Variants in EPRS1 observed in about 807,000 individuals in gnomAD.
EPRS1 encodes the protein bifunctional glutamate/proline--tRNA ligase.
A neutral mutation model predicts 188.3 loss-of-function variants in EPRS1; 107 were observed. That is an observed-to-expected ratio of 0.57 (90% CI 0.49 to 0.67). The LOEUF is 0.67. Ranked by LOEUF, EPRS1 falls within the 30% of genes least tolerant of loss-of-function variation. The pLI is 0.00. For missense variants in EPRS1, 1,577 were observed against 1,802.2 expected, an observed-to-expected ratio of 0.88 and a Z score of 2.26; for synonymous variants, 596 against 593.1, an observed-to-expected ratio of 1.00 and a Z score of -0.07.
chr1:220,014,846 A>G (rs1661671946), intron 12 of EPRS1, among the ~76,000 whole-genome samples: 1 of 152,216 alleles, frequency 6.6e-6, no homozygotes, highest in South Asian at 2.1e-4. Flanking sequence ...CAGACATCTG[A>G]GAAATATCTT....
At chr1:220,035,079 T>C (rs895715796) in intron 2 of EPRS1, 66 bp from the exon 3 acceptor site, 4 of 764,432 alleles carry the variant, frequency 5.2e-6, no homozygotes, top group African/African-American at 1.8e-5. Context: ...ATGAGACTTA[T>C]GAAGAAATGT....
At chr1:220,039,429 T>A (rs1390269441) in intron 2 of EPRS1, among the ~76,000 whole-genome samples, 2 of 152,180 alleles carry the variant, frequency 1.3e-5, no homozygotes, top group Non-Finnish European at 2.9e-5. Context: ...GTCTCTAGAT[T>A]CAATTCTTTT....
chr1:219,997,687 TTTGAG>T (rs1267740435), intron 17 of EPRS1, among the ~76,000 whole-genome samples: 1 of 152,184 alleles, frequency 6.6e-6, no homozygotes, highest in Non-Finnish European at 1.5e-5. Context: ...ACTGTGCAAC[TTTGAG>T]TTATTTTAAG....
At chr1:219,994,542 A>G (rs931516140) in intron 18 of EPRS1, among the ~76,000 whole-genome samples, 2 of 152,104 alleles carry the variant, frequency 1.3e-5, no homozygotes, top group Non-Finnish European at 2.9e-5. Flanking sequence ...ATTAAAAAAG[A>G]AAAAGAAAAA....
intron 13 of EPRS1, among the ~76,000 whole-genome samples, chr1:220,008,585 A>T (rs1403234163): frequency 1.3e-5 from 2 of 152,240 alleles, no homozygotes; most frequent in East Asian, 3.8e-4. Context: ...GAAATGTTAT[A>T]ATGAAAATTC....
rs953659553 is a variant in EPRS1 at position 220,033,426 on chromosome 1, C to T, written c.388+76G>A. The T allele has an allele frequency of 2.7e-6, 3 of 1,113,886 alleles. No homozygotes were observed. The African/African-American group carries it at 4.7e-5, about 18-fold the overall frequency. 69.0% of individuals were successfully genotyped at this position (1,113,886 alleles called of 1,614,324 possible). A position where few individuals can be genotyped will look rare whatever the true frequency, so the allele number is the denominator to read the frequency against. ...ACACACATATACATACATGCATACA[C>T]ACAGAAATATATATAATTTTTATCC... is the stretch of plus-strand genomic sequence containing the variant. On this transcript the variant is annotated intron_variant, in intron 4 of 31. Transcript: ENST00000366923.
chr1:220,034,171 G>A (rs1662134744), intron 3 of EPRS1, among the ~76,000 whole-genome samples: 2 of 152,220 alleles, frequency 1.3e-5, no homozygotes, highest in South Asian at 4.1e-4. Context: ...GTCAATGACA[G>A]ACTGCATATA....
intron 12 of EPRS1, among the ~76,000 whole-genome samples, chr1:220,014,384 G>C (rs1343510137): frequency 6.6e-6 from 1 of 151,666 alleles, no homozygotes; most frequent in Non-Finnish European, 1.5e-5. Context: ...AAACATAGAA[G>C]CATCCCCTCC....
intron 16 of EPRS1, among the ~76,000 whole-genome samples, chr1:220,004,920 G>T (rs1254775546): frequency 6.6e-6 from 1 of 151,632 alleles, no homozygotes; most frequent in African/African-American, 2.4e-5. Flanking sequence ...ACACTACAAA[G>T]AAAAAGATAA....
chr1:219,996,798 C>G (rs1661242848), intron 18 of EPRS1, among the ~76,000 whole-genome samples, 185 bp downstream of exon 18: 1 of 152,192 alleles, frequency 6.6e-6, no homozygotes, highest in Non-Finnish European at 1.5e-5. Context: ...CAGTAAGTCA[C>G]CCCTCCACTA....
intron 2 of EPRS1, among the ~76,000 whole-genome samples, chr1:220,039,223 G>A (rs916527519): frequency 1.1e-4 from 16 of 152,112 alleles, no homozygotes; most frequent in Non-Finnish European, 1.8e-4. Context: ...CTGAGTTGGT[G>A]GTTGTACAGG....
At chr1:220,005,483 C>A in intron 15 of EPRS1, 123 bp from the exon 16 acceptor site, 1 of 528,026 alleles carries the variant, frequency 1.9e-6, no homozygotes, top group South Asian at 2.9e-5. Context: ...TTAAAAAGTT[C>A]ACTACTTGAG....
Position 220,033,592 on chromosome 1 carries a change from T to C in EPRS1, c.298A>G (p.Asn100Asp). ...SSCDSFTSTI[N>D]ELNHCLSLRT... The stretch of plus-strand genomic sequence containing the variant: ...AGAGACAGGCAATGATTGAGTTCAT[T>C]AATTGTAGAAGTAAAGGAATCACAT... Residue 100 changes from asparagine to aspartate, a missense_variant, in exon 4 of 32, where the codon AAT (asparagine) becomes GAT (aspartate). Transcript: ENST00000366923. 1 of 1,609,428 alleles carries C rather than the reference T, an allele frequency of 6.2e-7. No homozygotes were observed. Among genetic ancestry groups the C allele is most frequent in the Non-Finnish European group, 8.5e-7 (1 of 1,175,948 alleles).
chr1:220,038,587 C>T (rs1369535107), intron 2 of EPRS1, among the ~76,000 whole-genome samples: 1 of 151,236 alleles, frequency 6.6e-6, no homozygotes, highest in Admixed American at 6.6e-5. Flanking sequence ...CTATGTTGCC[C>T]AGGCTGGTCT....
intron 16 of EPRS1, 80 bp downstream of exon 16, chr1:220,005,167 GT>G: frequency 1.9e-6 from 1 of 533,488 alleles, no homozygotes; most frequent in Non-Finnish European, 3.2e-6. Context: ...CGTTATTTTA[GT>G]GAAAGTTCAA....
At chr1:219,979,933 G>T in intron 26 of EPRS1, 152 bp downstream of exon 26, 2 of 709,344 alleles carry the variant, frequency 2.8e-6, no homozygotes, top group Non-Finnish European at 4.7e-6. Context: ...GGAGACAGAG[G>T]AATGGGATAG....
At chr1:219,983,663 T>A (rs1019255157) in intron 21 of EPRS1, among the ~76,000 whole-genome samples, 2 of 152,000 alleles carry the variant, frequency 1.3e-5, no homozygotes, top group Non-Finnish European at 2.9e-5. Flanking sequence ...GACGCCGAGG[T>A]GGGTGGATTG....
At chr1:220,043,495 C>G (rs1662338007) in intron 1 of EPRS1, among the ~76,000 whole-genome samples, 1 of 152,066 alleles carries the variant, frequency 6.6e-6, no homozygotes, top group Non-Finnish European at 1.5e-5. Context: ...TCATAAAAAT[C>G]AAGTTAGGCA....
chr1:220,005,148 T>C (rs1451581487), intron 16 of EPRS1, 100 bp downstream of exon 16: 4 of 451,412 alleles, frequency 8.9e-6, no homozygotes, highest in Non-Finnish European at 1.2e-5. Flanking sequence ...GAAAGAAAAC[T>C]GTTAGGTACG....
Sources: gnomAD v4.1 joint callset for allele counts (sites outside exome capture counted in the v4.1 genomes callset) on GRCh38, gnomAD v4.1.1 for gene constraint, MANE v1.5 for transcripts, NCBI Gene and HGNC (gene_info 2026-07-23, HGNC 2026-07-21) for gene names.